Variants in MYO16 observed in about 807,000 individuals in gnomAD.
MYO16 encodes unconventional myosin-XVI.
MYO16 carries 94 observed loss-of-function variants against 205.3 expected under a neutral mutation model. The observed-to-expected ratio is 0.46, with a 90% CI of 0.39 to 0.54. MYO16 has a LOEUF of 0.54. Among genes scored for constraint, MYO16 ranks in the 20% least tolerant of loss-of-function variants. The probability of loss-of-function intolerance (pLI) is 0.00; values close to 1 mark genes in which losing one functional copy is unlikely to be tolerated. For missense variants in MYO16, 2,315 were observed against 2,387.5 expected (o/e 0.97, Z 0.63); for synonymous variants, 988 against 954.0 (o/e 1.04, Z -0.66).
At chr13:109,159,136 A>G (rs1878234634) in intron 32 of MYO16, among the ~76,000 whole-genome samples, 1 of 152,226 alleles carries the variant, frequency 6.6e-6, no homozygotes, top group South Asian at 2.1e-4. Flanking sequence ...TCAAACAACC[A>G]TAGGTCCTTT....
intron 21 of MYO16, among the ~76,000 whole-genome samples, chr13:109,000,847 T>G (rs967122457): frequency 1.3e-5 from 2 of 152,058 alleles, no homozygotes; most frequent in African/African-American, 2.4e-5. Context: ...GTCAATAAAT[T>G]TAGCCAGTTA....
intron 15 of MYO16, among the ~76,000 whole-genome samples, chr13:108,903,687 G>A (rs1339393775): frequency 6.6e-6 from 1 of 152,116 alleles, no homozygotes; most frequent in African/African-American, 2.4e-5. Flanking sequence ...TTTGTTATAC[G>A]TTAGTGATAC....
chr13:108,658,743 A>G (rs912171027), intron 1 of MYO16, among the ~76,000 whole-genome samples: 1 of 152,126 alleles, frequency 6.6e-6, no homozygotes, highest in African/African-American at 2.4e-5. Context: ...CAATTATGTT[A>G]AGAAAACGCC....
chr13:108,974,224 A>G (rs1296952047), intron 20 of MYO16, among the ~76,000 whole-genome samples: 1 of 152,158 alleles, frequency 6.6e-6, no homozygotes, highest in Non-Finnish European at 1.5e-5. Context: ...AATATAAGAG[A>G]ATATTTTTTG....
chr13:109,024,683 A>T (rs75448356), intron 23 of MYO16, among the ~76,000 whole-genome samples: 2,569 of 152,182 alleles, frequency 0.017, 75 homozygotes, highest in African/African-American at 0.059. Flanking sequence ...AAATCACCTT[A>T]ATTTTTTAAG....
At chr13:109,023,579 A>G (rs1490577288) in intron 23 of MYO16, among the ~76,000 whole-genome samples, 1 of 125,590 alleles carries the variant, frequency 8.0e-6, no homozygotes, top group Non-Finnish European at 1.6e-5. Context: ...ACATGTATAT[A>G]TTTATATATA....
At chr13:108,831,045 T>C (rs1351880621) in intron 9 of MYO16, among the ~76,000 whole-genome samples, 1 of 152,184 alleles carries the variant, frequency 6.6e-6, no homozygotes, top group Non-Finnish European at 1.5e-5. Context: ...TGTCCTCACA[T>C]GGTGGAAGAG....
At chr13:108,626,350 T>A (rs190998093), upstream of MYO16, among the ~76,000 whole-genome samples, 5 of 152,340 alleles carry the variant, frequency 3.3e-5, no homozygotes, top group Admixed American at 2.0e-4. Context: ...CTTTATGCGT[T>A]TGAAAATTTT....
At chr13:108,779,041 G>A (rs1180684798) in intron 4 of MYO16, among the ~76,000 whole-genome samples, 3 of 152,150 alleles carry the variant, frequency 2.0e-5, no homozygotes, top group Non-Finnish European at 4.4e-5. Context: ...TGGCCACTAT[G>A]GCAGAAATAA....
chr13:108,562,790 C>T, the MYO16 span, among the ~76,000 whole-genome samples: 1 of 152,154 alleles, frequency 6.6e-6, no homozygotes, highest in Admixed American at 6.5e-5. Flanking sequence ...GGTTTGTAGC[C>T]TAGGAGCAAT....
At chr13:108,531,944 C>T in the MYO16 span, among the ~76,000 whole-genome samples, 3 of 152,082 alleles carry the variant, frequency 2.0e-5, no homozygotes, top group South Asian at 2.1e-4. Flanking sequence ...TGGTGGCTCA[C>T]GCCTGTAATC....
chr13:109,109,754 A>G (rs1051054230), intron 28 of MYO16, among the ~76,000 whole-genome samples: 1 of 152,220 alleles, frequency 6.6e-6, no homozygotes, highest in African/African-American at 2.4e-5. Flanking sequence ...GCTCTAGATG[A>G]TGGAAAAGAC....
At chr13:108,618,771 T>C (rs893165554) in intron 1 of MYO16, among the ~76,000 whole-genome samples, 1 of 152,186 alleles carries the variant, frequency 6.6e-6, no homozygotes, top group Non-Finnish European at 1.5e-5. Flanking sequence ...AGAAATCCTT[T>C]TCTCACTGTG....
At chr13:109,023,686 C>CAA (rs1886227173) in intron 23 of MYO16, among the ~76,000 whole-genome samples, 3 of 118,898 alleles carry the variant, frequency 2.5e-5, no homozygotes, top group Admixed American at 9.6e-5. Flanking sequence ...TGTATATATA[C>CAA]ATATATATGT....
the MYO16 span, among the ~76,000 whole-genome samples, chr13:108,502,405 C>T: frequency 2.0e-5 from 3 of 152,028 alleles, no homozygotes; most frequent in Admixed American, 6.6e-5. Context: ...AAGTTAATTC[C>T]TCATGAAGTC....
intron 16 of MYO16, among the ~76,000 whole-genome samples, chr13:108,936,041 G>A (rs941169237): frequency 2.0e-5 from 3 of 151,578 alleles, no homozygotes; most frequent in East Asian, 3.9e-4. Flanking sequence ...CTAGTATTTC[G>A]TTGAGATTTT....
chr13:108,894,523 GAAGA>G (rs888054415), intron 14 of MYO16, among the ~76,000 whole-genome samples: 2 of 152,180 alleles, frequency 1.3e-5, no homozygotes, highest in Non-Finnish European at 2.9e-5. Context: ...GGTTTTGGGA[GAAGA>G]GAGAGAAGGA....
Position 108,793,542 on chromosome 13 carries a change from A to G in MYO16, c.643A>G (p.Met215Val). The G allele has an allele frequency of 6.2e-7, 1 of 1,613,980 alleles. No homozygotes were observed. The highest frequency in any genetic ancestry group is 8.5e-7 in the Non-Finnish European group (1 of 1,179,900). Residue 215 changes from methionine (M) to valine (V), a missense_variant, in exon 6 of 35, where the codon ATG (methionine) becomes GTG (valine). Met to Val is a conservative substitution (Grantham distance 21, BLOSUM62 1). Around this residue, in one of 3 missense-constraint regions of MYO16, gnomAD observed 1,213 missense variants for 1,274.4 expected, o/e 0.95. Coordinates refer to ENST00000457511, the MANE Select transcript of MYO16 (RefSeq NM_001198950.3). ...AGTGGATTTGACCTCACTGCGCCAG[A>G]TGAAGCTTCAGAGACCAATGAGTAT... The part of the protein sequence containing the change: ...NGVDLTSLRQ[M>V]KLQRPMSMLT...
At position 108,738,502 on chromosome 13, in the gene MYO16, CAGTTTGTTA is replaced by C. The variant is rs538740974; in HGVS notation, c.507+10920_507+10928del. Among the ~76,000 whole-genome samples the C allele has an allele frequency of 2.2e-4, 33 of 152,290 alleles. No individual in the cohort carries two copies. In the South Asian group the frequency reaches 6.4e-3, roughly 30 times the overall value. ...TTTGATTGCACTGTGGTCTGAGAGA[CAGTTTGTTA>C]CAATTCCTGTTCTTTTACATTTGCT... On this transcript the variant is annotated intron_variant, in intron 4 of 34. Transcript: ENST00000457511.
Sources: gnomAD v4.1 joint callset for allele counts (sites outside exome capture counted in the v4.1 genomes callset) on GRCh38, gnomAD v4.1.1 for gene constraint, gnomAD v4.1.1 regional missense constraint, MANE v1.5 for transcripts, NCBI Gene and HGNC (gene_info 2026-07-23, HGNC 2026-07-21) for gene names.